KIF15: variants seen among roughly 807,000 people sequenced by gnomAD.
KIF15 encodes the protein kinesin-like protein KIF15.
KIF15 carries 140 observed loss-of-function variants against 190.6 expected under a neutral mutation model. The observed-to-expected ratio is 0.73, with a 90% CI of 0.64 to 0.84. The LOEUF is 0.84. KIF15 is among the 40% of genes least tolerant of loss of function. The probability of loss-of-function intolerance (pLI) is 0.00; values close to 1 mark genes in which losing one functional copy is unlikely to be tolerated. For missense variants in KIF15, 1,372 were observed against 1,584.4 expected, an observed-to-expected ratio of 0.87 and a Z score of 2.28; for synonymous variants, 528 against 551.3, an observed-to-expected ratio of 0.96 and a Z score of 0.59.
chr3:44,841,528 GCTGGGACTA>G (rs929784230), intron 29 of KIF15, among the ~76,000 whole-genome samples: 7 of 151,878 alleles, frequency 4.6e-5, no homozygotes, highest in African/African-American at 1.4e-4. Context: ...CTCCCGAGTA[GCTGGGACTA>G]CAGGCGCCCG....
At chr3:44,816,951 C>G (rs1336815709) in intron 20 of KIF15, among the ~76,000 whole-genome samples, 1 of 152,072 alleles carries the variant, frequency 6.6e-6, no homozygotes, top group Non-Finnish European at 1.5e-5. Flanking sequence ...GAGATGGTGT[C>G]TCATTGTGGT....
chr3:44,789,802 A>G (rs1012335343), intron 7 of KIF15, among the ~76,000 whole-genome samples: 1 of 151,540 alleles, frequency 6.6e-6, no homozygotes, highest in African/African-American at 2.4e-5. Flanking sequence ...CAATTTTACT[A>G]CAGGCTAATT....
chr3:44,816,312 A>G (rs1708028521), intron 20 of KIF15, among the ~76,000 whole-genome samples: 2 of 152,120 alleles, frequency 1.3e-5, no homozygotes, highest in Admixed American at 6.5e-5. Flanking sequence ...TTACATAGGT[A>G]TACATGTGCC....
At chr3:44,862,051 T>G in intron 6 of KIF15, 2 of 1,338,802 alleles carry the variant, frequency 1.5e-6, no homozygotes, top group Non-Finnish European at 1.9e-6. Context: ...CGTATTCAAC[T>G]GTCTGTGCGC....
At chr3:44,849,360 C>T (rs769149514) in intron 32 of KIF15, among the ~76,000 whole-genome samples, 10 of 152,128 alleles carry the variant, frequency 6.6e-5, no homozygotes, top group East Asian at 1.9e-4. Flanking sequence ...CAGTAGCTCA[C>T]GCCTGTAATC....
At position 44,836,334 on chromosome 3, in the gene KIF15, G is replaced by A. The variant is rs1003551218; in HGVS notation, c.3172-1941G>A. Among the ~76,000 whole-genome samples, 16 of 152,058 alleles carry A rather than the reference G, an allele frequency of 1.1e-4. No individual in the cohort carries two copies. In the Middle Eastern group the frequency reaches 0.01, roughly 97 times the overall value. ...TCACGCCACTGCACTCTATCTGGGC[G>A]ACAGAGCAAGACTCTGTCTAAAAAA... On this transcript the variant is annotated intron_variant, in intron 26 of 34. Coordinates refer to ENST00000326047, the MANE Select transcript of KIF15 (RefSeq NM_020242.3).
chr3:44,788,551 C>T (rs1287732444), intron 7 of KIF15, among the ~76,000 whole-genome samples: 1 of 151,830 alleles, frequency 6.6e-6, no homozygotes, highest in African/African-American at 2.4e-5. Flanking sequence ...ACCTCCTGGG[C>T]TTAACAGATC....
chr3:44,859,402 T>C (rs1471466617), intron 6 of KIF15, among the ~76,000 whole-genome samples: 1 of 152,264 alleles, frequency 6.6e-6, no homozygotes, highest in South Asian at 2.1e-4. Flanking sequence ...CGGTGGCTCA[T>C]GTCCGTAATC....
At chr3:44,779,587 C>A (rs1381945505) in intron 4 of KIF15, among the ~76,000 whole-genome samples, 1 of 152,148 alleles carries the variant, frequency 6.6e-6, no homozygotes, top group South Asian at 2.1e-4. Flanking sequence ...GTAATCCCAG[C>A]ACTTTGGGGG....
At chr3:44,805,189 C>T in intron 15 of KIF15, 21 bp downstream of exon 15, 7 of 1,587,778 alleles carry the variant, frequency 4.4e-6, no homozygotes, top group Non-Finnish European at 6.0e-6. Flanking sequence ...AATACACATG[C>T]ATGCACACTT....
intron 32 of KIF15, among the ~76,000 whole-genome samples, chr3:44,848,834 A>G (rs1698961020): frequency 6.6e-6 from 1 of 152,208 alleles, no homozygotes; most frequent in South Asian, 2.1e-4. Flanking sequence ...AGAACAATGT[A>G]ACTACCAGGT....
At chr3:44,769,159 G>A (rs1336417532) in intron 1 of KIF15, among the ~76,000 whole-genome samples, 1 of 152,088 alleles carries the variant, frequency 6.6e-6, no homozygotes, top group Non-Finnish European at 1.5e-5. Context: ...GCTGTAGTAA[G>A]GAGACACAAT....
intron 15 of KIF15, 34 bp downstream of exon 15, chr3:44,805,202 T>G (rs781546851): frequency 2.2e-5 from 34 of 1,570,464 alleles, no homozygotes; most frequent in Non-Finnish European, 2.9e-5. Flanking sequence ...GCACACTTAT[T>G]TTCTTTCAGT....
intron 3 of KIF15, among the ~76,000 whole-genome samples, chr3:44,777,854 C>T (rs1202906187): frequency 1.3e-5 from 2 of 152,024 alleles, no homozygotes; most frequent in Non-Finnish European, 2.9e-5. Context: ...TATGCTAGTA[C>T]CAGTACAATA....
chr3:44,775,375 C>T lies in KIF15; in HGVS notation c.184C>T (p.His62Tyr), dbSNP rs750752907. ...SVLSSTSLRL[H>Y]SNPEPKTFTF... ...GCTGTCCTCCACGAGTCTCCGGCTG[C>T]ACTCCAACCCTGAGCCCAAGACCTT... Residue 62 changes from histidine (H) to tyrosine (Y), a missense_variant, in exon 3 of 35, where the codon CAC becomes TAC. Transcript: ENST00000326047. The T allele has an allele frequency of 5.0e-6, 8 of 1,614,000 alleles. No homozygotes were observed. The South Asian group carries it at 6.6e-5, about 13-fold the overall frequency.
In KIF15 at chr3:44,797,602, G is replaced by A; in HGVS notation, c.901G>A (p.Ala301Thr). ...SLSCLGQVITALVDVGNGKQR... is the reference protein window; with the variant it reads ...SLSCLGQVITTLVDVGNGKQR... Reference sequence around the variant, plus strand: ...GAGCTGCCTGGGCCAAGTGATTACAGCACTTGTCGACGTGGGTAATGGAAA... The same window carrying A: ...GAGCTGCCTGGGCCAAGTGATTACAACACTTGTCGACGTGGGTAATGGAAA... The change falls in exon 9 of 35, where the codon GCA becomes ACA. Residue 301 changes from alanine (A) to threonine (T), a missense_variant. Physicochemically the swap from Ala to Thr is moderately conservative, Grantham distance 58 (BLOSUM62 0). Transcript: ENST00000326047. 1 of 1,613,794 alleles carries A rather than the reference G, an allele frequency of 6.2e-7. No homozygotes were observed. Among genetic ancestry groups the A allele is most frequent in the East Asian group, 2.2e-5 (1 of 44,890 alleles).
intron 8 of KIF15, among the ~76,000 whole-genome samples, chr3:44,795,425 T>C (rs1217019967): frequency 6.6e-6 from 1 of 152,146 alleles, no homozygotes; most frequent in Non-Finnish European, 1.5e-5. Context: ...AGGCCAAGTT[T>C]GTATCAACTC....
chr3:44,844,454 T>A (rs1156706455), intron 30 of KIF15, among the ~76,000 whole-genome samples: 1 of 152,182 alleles, frequency 6.6e-6, no homozygotes, highest in Non-Finnish European at 1.5e-5. Flanking sequence ...TATGTCCAAT[T>A]CTATTAAAGA....
At chr3:44,820,279 T>C (rs1575641980) in intron 20 of KIF15, among the ~76,000 whole-genome samples, 7 of 152,252 alleles carry the variant, frequency 4.6e-5, no homozygotes, top group Admixed American at 6.5e-5. Context: ...TTTGATCCTG[T>C]CATTATGATG....
Sources: gnomAD v4.1 joint callset for allele counts (sites outside exome capture counted in the v4.1 genomes callset) on GRCh38, gnomAD v4.1.1 for gene constraint, MANE v1.5 for transcripts, NCBI Gene and HGNC (gene_info 2026-07-23, HGNC 2026-07-21) for gene names.